GBF1: variants seen among roughly 807,000 people sequenced by gnomAD.
GBF1 encodes the protein golgi brefeldin A resistant guanine nucleotide exchange factor 1.
Under a neutral mutation model 210.5 loss-of-function variants are expected in GBF1, and 114 were observed. That is an observed-to-expected ratio of 0.54 (90% confidence interval 0.47 to 0.63). The LOEUF is 0.63. Ranked by LOEUF, GBF1 falls within the 30% of genes least tolerant of loss-of-function variation. The pLI is 0.00. For missense variants in GBF1, 1,851 were observed against 2,357.7 expected (o/e 0.79, Z 4.45); for synonymous variants, 850 against 889.2 (o/e 0.96, Z 0.78).
intron 3 of GBF1, among the ~76,000 whole-genome samples, chr10:102,284,949 A>G (rs1320568334): frequency 1.3e-5 from 2 of 152,076 alleles, no homozygotes; most frequent in Non-Finnish European, 1.5e-5. Context: ...TTTGTTTTAT[A>G]TAGCTTCAAA....
Position 102,361,865 on chromosome 10 carries a change from T to C in GBF1, c.1639T>C (p.Tyr547His). The C allele has an allele frequency of 1.2e-6, 2 of 1,613,770 alleles. No individual in the cohort carries two copies. The highest frequency in any genetic ancestry group is 1.3e-5 in the African/African-American group (1 of 75,026). Residue 547 changes from tyrosine to histidine, a missense_variant, in exon 14 of 40, where the codon TAC becomes CAC. Physicochemically the swap from Tyr to His is moderately conservative, Grantham distance 83 (BLOSUM62 2). This residue lies in a region of GBF1 where 804 missense variants were observed against 958.6 expected (regional missense o/e 0.84). Coordinates refer to ENST00000369983, the MANE Select transcript of GBF1 (RefSeq NM_001377137.1). Reference sequence around the variant, plus strand: ...GCTCTACATCAACTATGATTGTGACTACTACTGTTCCAACCTCTTTGAGGA... The same window carrying C: ...GCTCTACATCAACTATGATTGTGACCACTACTGTTCCAACCTCTTTGAGGA... ...TELYINYDCD[Y>H]YCSNLFEELT...
In GBF1 at chr10:102,369,848, C is replaced by T. The variant is rs2060110524; in HGVS notation, c.3216-13C>T. The T allele has an allele frequency of 1.2e-6, 2 of 1,614,082 alleles. No homozygotes were observed. Among genetic ancestry groups the T allele is most frequent in the African/African-American group, 1.3e-5 (1 of 74,992 alleles). On this transcript the variant is annotated splice_polypyrimidine_tract_variant and intron_variant, in intron 25 of 39. Transcript: ENST00000369983. The stretch of plus-strand genomic sequence containing the variant: ...CTTTGGGGCTCACCAGGCCATGTGC[C>T]CTTTTTCTACAGAGGAGAGTCAACA...
chr10:102,301,777 C>T (rs576306918), intron 3 of GBF1, among the ~76,000 whole-genome samples: 26 of 151,606 alleles, frequency 1.7e-4, no homozygotes, highest in Non-Finnish European at 3.4e-4. Flanking sequence ...CCTCACTTCC[C>T]AGACTGGGCA....
the GBF1 span, chr10:102,230,831 T>C: frequency 6.3e-7 from 1 of 1,580,506 alleles, no homozygotes; most frequent in Non-Finnish European, 8.6e-7. Flanking sequence ...GAGGGCACCA[T>C]GGAGGCGGCG....
At chr10:102,282,981 G>A (rs150982997) in intron 3 of GBF1, among the ~76,000 whole-genome samples, 4 of 152,302 alleles carry the variant, frequency 2.6e-5, no homozygotes, top group Non-Finnish European at 5.9e-5. Flanking sequence ...AGGAGGTAAA[G>A]TAGCGGGTTA....
intron 8 of GBF1, among the ~76,000 whole-genome samples, chr10:102,357,302 CATAGTGAAACCCTGTCTCTACTAAAA>C (rs1317480819): frequency 4.6e-5 from 7 of 152,012 alleles, no homozygotes; most frequent in Non-Finnish European, 8.8e-5. Flanking sequence ...GCCTGGCCAA[CATAGTGAAACCCTGTCTCTACTAAAA>C]ATACAAAAAT....
Position 102,370,711 on chromosome 10 carries a change from C to A in GBF1, c.3511C>A (p.Arg1171Ser), listed in dbSNP as rs374092781. 2 of 1,613,808 alleles carry A rather than the reference C, an allele frequency of 1.2e-6. No individual in the cohort carries two copies. Among genetic ancestry groups the A allele is most frequent in the Non-Finnish European group, 1.7e-6 (2 of 1,179,756 alleles). The change falls in exon 29 of 40, where the codon CGT becomes AGT. Residue 1171 changes from arginine (R) to serine (S), a missense_variant. Physicochemically the swap from Arg to Ser is moderately radical, Grantham distance 110. Coordinates refer to ENST00000369983, the MANE Select transcript of GBF1 (RefSeq NM_001377137.1). ...LLRIVLENRD[R>S]VGCVWQTVRD... ...CATTCCTTTATGTCTACACAGGGATCGTGTGGGCTGTGTGTGGCAGACTGT... is the reference window on the plus strand; with the variant it reads ...CATTCCTTTATGTCTACACAGGGATAGTGTGGGCTGTGTGTGGCAGACTGT...
intron 3 of GBF1, among the ~76,000 whole-genome samples, chr10:102,317,755 T>C (rs752342868): frequency 6.6e-6 from 1 of 152,230 alleles, no homozygotes; most frequent in African/African-American, 2.4e-5. Context: ...TCATATTCTA[T>C]ACATTTTTGC....
At chr10:102,282,526 T>C (rs537703487) in intron 3 of GBF1, among the ~76,000 whole-genome samples, 104 of 152,182 alleles carry the variant, frequency 6.8e-4, no homozygotes, top group Non-Finnish European at 1.2e-3. Context: ...CTCTTCTGTC[T>C]TGCTGGAGAC....
rs762717029 is a variant in GBF1, at chr10:102,361,770, C to A, written c.1544C>A (p.Pro515His). Reference protein sequence around the residue: ...EIITVENPKMPYEMKEMALEA... With the variant: ...EIITVENPKMHYEMKEMALEA... ...ATCACTGTGGAGAACCCCAAGATGCCTTATGAGATGAAGGAGATGGCACTG... is the reference window on the plus strand; with the variant it reads ...ATCACTGTGGAGAACCCCAAGATGCATTATGAGATGAAGGAGATGGCACTG... The change falls in exon 14 of 40, where the codon CCT (proline) becomes CAT (histidine). Residue 515 changes from proline (P) to histidine (H), a missense_variant. This residue lies in a region of GBF1 where 804 missense variants were observed against 958.6 expected (regional missense o/e 0.84). Coordinates refer to ENST00000369983, the MANE Select transcript of GBF1 (RefSeq NM_001377137.1). The A allele has an allele frequency of 2.5e-6, 4 of 1,613,396 alleles. No individual in the cohort carries two copies. Among genetic ancestry groups the A allele is most frequent in the Non-Finnish European group, 2.5e-6 (3 of 1,179,626 alleles).
chr10:102,305,708 ACT>A (rs2133897407), intron 3 of GBF1, among the ~76,000 whole-genome samples: 1 of 152,106 alleles, frequency 6.6e-6, no homozygotes, highest in East Asian at 1.9e-4. Context: ...ATGACGCAAG[ACT>A]CTGTCTCCAA....
At chr10:102,343,603 G>A (rs1010322832) in intron 3 of GBF1, among the ~76,000 whole-genome samples, 5 of 152,028 alleles carry the variant, frequency 3.3e-5, no homozygotes, top group Non-Finnish European at 5.9e-5. Flanking sequence ...ACAATTGCTT[G>A]AGCTCAGGAG....
At chr10:102,242,928 CAAAAAAA>C (rs58301527), upstream of GBF1, among the ~76,000 whole-genome samples, 1 of 132,418 alleles carries the variant, frequency 7.6e-6, no homozygotes. Flanking sequence ...GACTCTGTCT[CAAAAAAA>C]AAAAAAAAAA....
Position 102,351,700 on chromosome 10 carries a change from A to G in GBF1, c.415-143A>G, listed in dbSNP as rs111707013. 19 of 630,298 alleles carry G rather than the reference A, an allele frequency of 3.0e-5. 2 individuals are homozygous for G. The highest frequency in any genetic ancestry group is 2.2e-4 in the African/African-American group (12 of 54,774). 39.0% of individuals were successfully genotyped at this position (630,298 alleles called of 1,614,324 possible). A position where few individuals can be genotyped will look rare whatever the true frequency, so the allele number is the denominator to read the frequency against. ...AATATGTCAGGGTCATAAAAAGTGAAGAAACAATTCCAAGGACAAGCTTCT... is the reference window on the plus strand; with the variant it reads ...AATATGTCAGGGTCATAAAAAGTGAGGAAACAATTCCAAGGACAAGCTTCT... On this transcript the variant is annotated intron_variant, in intron 5 of 39. Transcript: ENST00000369983.
In GBF1 at chr10:102,245,741, G is replaced by T. The variant is rs1234435521; in HGVS notation, c.-51G>T. ...GGGCTGGACATGAGCAGCGGCTGCCGGTCCTGGGACTAGGCCCCGCCATTT... is the reference window on the plus strand; with the variant it reads ...GGGCTGGACATGAGCAGCGGCTGCCTGTCCTGGGACTAGGCCCCGCCATTT... On this transcript the variant is annotated 5_prime_UTR_variant, in exon 1 of 40. Coordinates refer to ENST00000369983, the MANE Select transcript of GBF1 (RefSeq NM_001377137.1). The T allele has an allele frequency of 3.3e-5, 5 of 152,196 alleles. No individual in the cohort carries two copies. The highest frequency in any genetic ancestry group is 3.3e-4 in the Admixed American group (5 of 15,288). The allele number at this position is 152,196 out of a possible 1,614,324, so 9.4% of individuals were successfully genotyped here.
intron 3 of GBF1, 100 bp from the exon 4 acceptor site, chr10:102,343,951 C>A (rs1341245356): frequency 4.6e-6 from 4 of 863,488 alleles, no homozygotes; most frequent in Non-Finnish European, 5.6e-6. Flanking sequence ...ATTGACCCAA[C>A]AACAAAGACC....
chr10:102,323,409 A>G (rs2056611412), intron 3 of GBF1, among the ~76,000 whole-genome samples: 1 of 152,112 alleles, frequency 6.6e-6, no homozygotes, highest in South Asian at 2.1e-4. Flanking sequence ...GAGGAGGAAC[A>G]TGTGAGGGGT....
chr10:102,261,195 A>C (rs1389736818), intron 3 of GBF1, among the ~76,000 whole-genome samples: 2 of 152,076 alleles, frequency 1.3e-5, no homozygotes, highest in East Asian at 3.9e-4. Flanking sequence ...GCTTCTGTAC[A>C]TGTGATTAGA....
At chr10:102,332,415 C>T (rs1333751928) in intron 3 of GBF1, among the ~76,000 whole-genome samples, 21 of 149,968 alleles carry the variant, frequency 1.4e-4, no homozygotes, top group Non-Finnish European at 4.4e-5. Flanking sequence ...CAGAGTCTTG[C>T]TGTGTCACCC....
Sources: gnomAD v4.1 joint callset for allele counts (sites outside exome capture counted in the v4.1 genomes callset) on GRCh38, gnomAD v4.1.1 for gene constraint, gnomAD v4.1.1 regional missense constraint, MANE v1.5 for transcripts, NCBI Gene and HGNC (gene_info 2026-07-23, HGNC 2026-07-21) for gene names.